The following ATP2C2 variants were observed in gnomAD, a reference collection of about 807,000 sequenced individuals.
ATP2C2 encodes the protein calcium-transporting ATPase type 2C member 2.
A neutral mutation model predicts 110.8 loss-of-function variants in ATP2C2; 171 were observed. The observed-to-expected ratio is 1.54, with a 90% CI of 1.36 to 1.75. The LOEUF is 1.75. Ranked by LOEUF, ATP2C2 falls within the 40% of genes most tolerant of loss-of-function variation. The pLI, the probability that ATP2C2 is intolerant of heterozygous loss-of-function variation, is 0.00. For synonymous variants in ATP2C2, 804 were observed against 508.4 expected (o/e 1.58, Z -7.82); for missense variants, 1,963 against 1,235.0 (o/e 1.59, Z -8.84).
intron 11 of ATP2C2, among the ~76,000 whole-genome samples, chr16:84,438,725 C>T (rs1380137078): frequency 1.3e-5 from 2 of 152,178 alleles, no homozygotes; most frequent in African/African-American, 4.8e-5. Context: ...TAGGAAGTGT[C>T]TACACCACTA....
chr16:84,425,807 A>T lies in ATP2C2; in HGVS notation c.986+6A>T. 3 of 1,614,032 alleles carry T rather than the reference A, an allele frequency of 1.9e-6. No homozygotes were observed. Among genetic ancestry groups the T allele is most frequent in the Non-Finnish European group, 1.7e-6 (2 of 1,179,984 alleles). ...ATGTTCACGATCGGGGTCAGGTAAG[A>T]GTGCTATGGCCGCCCCTTGCCTTGC... is the stretch of plus-strand genomic sequence containing the variant. On this transcript the variant is annotated splice_donor_region_variant and intron_variant, in intron 11 of 26. Transcript: ENST00000262429.
chr16:84,448,867 C>T (rs924253071), intron 17 of ATP2C2, among the ~76,000 whole-genome samples, 178 bp downstream of exon 17: 1 of 152,164 alleles, frequency 6.6e-6, no homozygotes, highest in African/African-American at 2.4e-5. Context: ...CAGAGGTCCC[C>T]ACCTCATCCC....
At chr16:84,461,870 G>A (rs1019014922) in intron 25 of ATP2C2, 58 bp downstream of exon 25, 15 of 1,607,414 alleles carry the variant, frequency 9.3e-6, no homozygotes, top group African/African-American at 2.7e-5. Context: ...CGACAGCAGC[G>A]CCCCGACCCT....
intron 2 of ATP2C2, among the ~76,000 whole-genome samples, chr16:84,400,604 G>C (rs1045771169): frequency 2.6e-5 from 4 of 152,194 alleles, no homozygotes; most frequent in African/African-American, 9.7e-5. Flanking sequence ...TGGGATTACA[G>C]GCATGAGCCA....
chr16:84,411,398 T>C (rs991882759), intron 6 of ATP2C2, among the ~76,000 whole-genome samples: 2 of 152,206 alleles, frequency 1.3e-5, no homozygotes, highest in African/African-American at 4.8e-5. Flanking sequence ...CAGGAAATGT[T>C]CTATTAATAT....
chr16:84,375,964 CTGGGTGGGT>C (rs1315937335), intron 1 of ATP2C2, among the ~76,000 whole-genome samples: 3 of 151,518 alleles, frequency 2.0e-5, no homozygotes, highest in Non-Finnish European at 2.9e-5. Flanking sequence ...GTGGGGGTAG[CTGGGTGGGT>C]GTAGCTGGGT....
intron 7 of ATP2C2, among the ~76,000 whole-genome samples, chr16:84,416,465 C>T (rs1267012170): frequency 6.6e-6 from 1 of 152,150 alleles, no homozygotes; most frequent in African/African-American, 2.4e-5. Flanking sequence ...GGATCAAGGA[C>T]CCGCTATTAA....
chr16:84,429,867 C>G (rs1291437570), intron 11 of ATP2C2, among the ~76,000 whole-genome samples: 1 of 152,090 alleles, frequency 6.6e-6, no homozygotes, highest in Non-Finnish European at 1.5e-5. Flanking sequence ...GTCCGAGGTC[C>G]AGGTGTGGCA....
chr16:84,397,140 C>G lies in ATP2C2; in HGVS notation c.100-1359C>G, dbSNP rs538673282. On this transcript the variant is annotated intron_variant, in intron 1 of 26. Transcript: ENST00000262429. The stretch of plus-strand genomic sequence containing the variant: ...GCTAGGAATGGTTTTGCAAAAATAC[C>G]TCACACTTTTCCGCTTCTGAGGTCT... Among the ~76,000 whole-genome samples the G allele has an allele frequency of 3.8e-4, 58 of 151,788 alleles. 1 individual carries two copies. Among genetic ancestry groups the G allele is most frequent in the Middle Eastern group, 3.4e-3 (1 of 294 alleles).
chr16:84,423,540 C>T (rs1907545584), intron 10 of ATP2C2, among the ~76,000 whole-genome samples: 3 of 152,236 alleles, frequency 2.0e-5, no homozygotes, highest in Non-Finnish European at 4.4e-5. Context: ...ATTCCTGGTC[C>T]AGTGGCTCTC....
At chr16:84,438,218 G>A (rs1480859844) in intron 11 of ATP2C2, among the ~76,000 whole-genome samples, 1 of 152,240 alleles carries the variant, frequency 6.6e-6, no homozygotes, top group Non-Finnish European at 1.5e-5. Flanking sequence ...CAGAGAGGAT[G>A]ATAAAGTGAA....
chr16:84,395,576 C>G (rs1369314965), intron 1 of ATP2C2, among the ~76,000 whole-genome samples: 1 of 149,996 alleles, frequency 6.7e-6, no homozygotes, highest in Admixed American at 6.6e-5. Flanking sequence ...CTCCCTGACT[C>G]TGGCTCATTG....
At chr16:84,416,727 C>T (rs1906866972) in intron 7 of ATP2C2, among the ~76,000 whole-genome samples, 2 of 152,270 alleles carry the variant, frequency 1.3e-5, no homozygotes, top group South Asian at 4.1e-4. Flanking sequence ...CTGGTGCCCT[C>T]TGTAGCACCA....
At chr16:84,431,089 G>A (rs1243572552) in intron 11 of ATP2C2, among the ~76,000 whole-genome samples, 1 of 152,016 alleles carries the variant, frequency 6.6e-6, no homozygotes, top group Non-Finnish European at 1.5e-5. Context: ...CTGCCCTCCT[G>A]GAGTTTTCTG....
chr16:84,443,870 A>C (rs1011135398), intron 15 of ATP2C2, among the ~76,000 whole-genome samples: 2 of 152,168 alleles, frequency 1.3e-5, no homozygotes, highest in Non-Finnish European at 2.9e-5. Flanking sequence ...CCCCAGTGTA[A>C]GAACATTGGA....
intron 1 of ATP2C2, among the ~76,000 whole-genome samples, chr16:84,378,868 G>T (rs1359738537): frequency 6.6e-6 from 1 of 152,186 alleles, no homozygotes; most frequent in Non-Finnish European, 1.5e-5. Flanking sequence ...ACCGTCGCGA[G>T]GTCCCTGGCT....
rs1474601069 is a variant in ATP2C2, at chr16:84,442,567, A to C, written c.1369A>C (p.Thr457Pro). 2.5e-6 allele frequency: 4 copies of C among 1,614,100 alleles called. No individual in the cohort carries two copies. Among genetic ancestry groups the C allele is most frequent in the Non-Finnish European group, 3.4e-6 (4 of 1,179,986 alleles). The change falls in exon 15 of 27, where the codon ACC becomes CCC. Residue 457 changes from threonine to proline, a missense_variant. Physicochemically the swap from Thr to Pro is conservative, Grantham distance 38 (BLOSUM62 -1). Coordinates refer to ENST00000262429, the MANE Select transcript of ATP2C2 (RefSeq NM_014861.4). ...AAAGAACGCCGTGATGGGGCAGCCC[A>C]CCGAGGGTGCATTGATGGCCCTGGC... ...IRKNAVMGQP[T>P]EGALMALAMK... is the part of the protein sequence containing the mutation.
chr16:84,387,926 AT>A lies in ATP2C2; in HGVS notation c.100-10560del, dbSNP rs34113848. On this transcript the variant is annotated intron_variant, in intron 1 of 26. Transcript: ENST00000262429. ...GGTGACATAGTGAGATCCCATGCCT[AT>A]TTTTTTTTTTTTAATAGAAGCACCT... Among the ~76,000 whole-genome samples, 850 of 144,998 alleles carry A rather than the reference AT, an allele frequency of 5.9e-3. 3 individuals carry two copies. The highest frequency in any genetic ancestry group is 9.8e-3 in the African/African-American group (385 of 39,340).
intron 1 of ATP2C2, among the ~76,000 whole-genome samples, chr16:84,381,155 C>T (rs573685356): frequency 8.7e-4 from 133 of 152,094 alleles, no homozygotes; most frequent in Non-Finnish European, 1.5e-3. Context: ...TGGGGATAGG[C>T]GGTGAAGTTA....
Sources: allele counts gnomAD v4.1 joint callset (sites outside exome capture counted in the v4.1 genomes callset), GRCh38; gene constraint gnomAD v4.1.1; transcripts MANE v1.5; gene names NCBI Gene and HGNC (gene_info 2026-07-23, HGNC 2026-07-21).